CNTNAP5: variants seen among roughly 807,000 people sequenced by gnomAD.
The protein encoded by CNTNAP5 is contactin associated protein family member 5.
A neutral mutation model predicts 150.2 loss-of-function variants in CNTNAP5; 72 were observed. The observed-to-expected ratio is 0.48, with a 90% CI of 0.40 to 0.58. The LOEUF (loss-of-function observed/expected upper bound fraction) is 0.58. CNTNAP5 is among the 20% of genes least tolerant of loss of function. The pLI, the probability that CNTNAP5 is intolerant of heterozygous loss-of-function variation, is 0.00. For synonymous variants in CNTNAP5, 672 were observed against 619.8 expected (o/e 1.08, Z -1.25); for missense variants, 1,636 against 1,626.2 (o/e 1.01, Z -0.10).
At chr2:124,029,134 A>G (rs1449782815) in intron 1 of CNTNAP5, among the ~76,000 whole-genome samples, 1 of 152,058 alleles carries the variant, frequency 6.6e-6, no homozygotes, top group Non-Finnish European at 1.5e-5. Context: ...GCATTGAGAG[A>G]GGGATCAAAA....
chr2:124,148,479 C>A (rs1165269567), intron 1 of CNTNAP5, among the ~76,000 whole-genome samples: 3 of 146,178 alleles, frequency 2.1e-5, no homozygotes, highest in Non-Finnish European at 4.5e-5. Context: ...ACAAAGCAGG[C>A]ATAATGCATC....
At chr2:124,531,819 GA>G (rs1299814669) in intron 10 of CNTNAP5, among the ~76,000 whole-genome samples, 1 of 152,122 alleles carries the variant, frequency 6.6e-6, no homozygotes, top group African/African-American at 2.4e-5. Flanking sequence ...GACCTAAAAG[GA>G]AAAAGCTGAT....
intron 13 of CNTNAP5, among the ~76,000 whole-genome samples, chr2:124,714,735 A>T (rs575104143): frequency 6.6e-6 from 1 of 151,698 alleles, no homozygotes; most frequent in South Asian, 2.1e-4. Flanking sequence ...ATTTATGGAT[A>T]TATTTATATG....
At chr2:124,517,455 G>T (rs1694749036) in intron 8 of CNTNAP5, among the ~76,000 whole-genome samples, 3 of 151,634 alleles carry the variant, frequency 2.0e-5, no homozygotes, top group Non-Finnish European at 4.4e-5. Context: ...GGTAATGGAA[G>T]GTTGTGTTGT....
At chr2:124,630,845 C>T (rs1402932194) in intron 12 of CNTNAP5, among the ~76,000 whole-genome samples, 2 of 152,140 alleles carry the variant, frequency 1.3e-5, no homozygotes, top group Non-Finnish European at 2.9e-5. Context: ...AACCCAAAAG[C>T]TTCTTAAGCT....
intron 1 of CNTNAP5, among the ~76,000 whole-genome samples, chr2:124,145,811 T>TAAAAAAA (rs761766577): frequency 2.3e-4 from 3 of 12,788 alleles, no homozygotes; most frequent in African/African-American, 4.4e-4. Context: ...AAAAAAAACA[T>TAAAAAAA]TAAAAAAAAA....
At position 124,548,350 on chromosome 2, in the gene CNTNAP5, G is replaced by A. The variant is rs1236673808; in HGVS notation, c.1650-14867G>A. On this transcript the variant is annotated intron_variant, in intron 10 of 23. Coordinates refer to ENST00000682447, the MANE Select transcript of CNTNAP5 (RefSeq NM_001367498.1). ...GCGAGGCTGTGCTATACCACTGAGC[G>A]TGGCTTAGGATCTCTCTGCCTTAAC... Among the ~76,000 whole-genome samples, 6 of 152,306 alleles carry A rather than the reference G, an allele frequency of 3.9e-5. No individual in the cohort carries two copies. The East Asian group carries it at 9.7e-4, about 25-fold the overall frequency.
chr2:124,367,629 A>G (rs965066551), intron 3 of CNTNAP5, among the ~76,000 whole-genome samples: 12 of 152,296 alleles, frequency 7.9e-5, no homozygotes, highest in African/African-American at 2.6e-4. Flanking sequence ...GTAAGTTACT[A>G]GCCCCTCTGG....
In CNTNAP5 at chr2:124,299,176, G is replaced by A. The variant is rs572400919; in HGVS notation, c.381+56783G>A. 2.6e-5 allele frequency among the ~76,000 whole-genome samples: 4 copies of A among 152,188 alleles called. No individual in the cohort carries two copies. In the South Asian group the frequency reaches 6.2e-4, roughly 24 times the overall value. On this transcript the variant is annotated intron_variant, in intron 3 of 23. Transcript: ENST00000682447. ...CCAGGTTCCACGCAGGAAGAGGAGG[G>A]GCCAGGCTCTTCCCCACTGCAATTG... is the stretch of plus-strand genomic sequence containing the variant.
chr2:124,657,725 T>A (rs1573528246), intron 13 of CNTNAP5, among the ~76,000 whole-genome samples: 1 of 152,212 alleles, frequency 6.6e-6, no homozygotes, highest in Non-Finnish European at 1.5e-5. Context: ...CTCCCATTAA[T>A]ACAGTGAACT....
intron 3 of CNTNAP5, among the ~76,000 whole-genome samples, chr2:124,244,783 T>C (rs146992713): frequency 6.6e-6 from 1 of 152,282 alleles, no homozygotes; most frequent in African/African-American, 2.4e-5. Flanking sequence ...AACTAACAGT[T>C]ACTAAACACC....
At chr2:124,897,884 G>A (rs1678337837) in intron 21 of CNTNAP5, among the ~76,000 whole-genome samples, 1 of 150,012 alleles carries the variant, frequency 6.7e-6, no homozygotes, top group Non-Finnish European at 1.5e-5. Context: ...ATTTACATAG[G>A]ACATACAAAT....
chr2:124,439,726 C>T (rs1303142757), intron 5 of CNTNAP5, among the ~76,000 whole-genome samples: 1 of 152,084 alleles, frequency 6.6e-6, no homozygotes, highest in Non-Finnish European at 1.5e-5. Context: ...CTTAGGAGAC[C>T]ATTCAATAGC....
chr2:124,814,715 T>G (rs1463801444), intron 19 of CNTNAP5, among the ~76,000 whole-genome samples: 1 of 152,188 alleles, frequency 6.6e-6, no homozygotes, highest in Admixed American at 6.5e-5. Context: ...GCTAACAACC[T>G]TGCTTAAAAG....
At chr2:124,428,488 A>C (rs573067154) in intron 4 of CNTNAP5, among the ~76,000 whole-genome samples, 2 of 152,318 alleles carry the variant, frequency 1.3e-5, no homozygotes, top group East Asian at 3.9e-4. Flanking sequence ...TAGAGAGGGC[A>C]TTGTACCTCT....
intron 11 of CNTNAP5, among the ~76,000 whole-genome samples, chr2:124,586,486 T>A (rs1424904606): frequency 6.6e-6 from 1 of 152,216 alleles, no homozygotes. Flanking sequence ...TTTCCTGTTT[T>A]TGTTTTTAGC....
intron 1 of CNTNAP5, among the ~76,000 whole-genome samples, chr2:124,199,086 CATT>C (rs531806552): frequency 3.0e-3 from 454 of 152,210 alleles, no homozygotes; most frequent in Non-Finnish European, 5.2e-3. Context: ...TATTTCTTCT[CATT>C]ATTTTCTTCT....
intron 1 of CNTNAP5, among the ~76,000 whole-genome samples, chr2:124,128,262 G>C (rs889886360): frequency 2.0e-5 from 3 of 152,064 alleles, no homozygotes; most frequent in Non-Finnish European, 4.4e-5. Context: ...GATATGAACA[G>C]ACACTACCCC....
intron 11 of CNTNAP5, among the ~76,000 whole-genome samples, chr2:124,578,503 C>A (rs1466392843): frequency 6.6e-6 from 1 of 152,022 alleles, no homozygotes; most frequent in Non-Finnish European, 1.5e-5. Context: ...GAATTTTCTC[C>A]CCAGAGGGAG....
Sources: gnomAD v4.1 joint callset for allele counts (sites outside exome capture counted in the v4.1 genomes callset) on GRCh38, gnomAD v4.1.1 for gene constraint, MANE v1.5 for transcripts, NCBI Gene and HGNC (gene_info 2026-07-23, HGNC 2026-07-21) for gene names.